Variants in FANK1 observed in about 807,000 individuals in gnomAD.
The protein encoded by FANK1 is fibronectin type 3 and ankyrin repeat domains protein 1.
FANK1 carries 44 observed loss-of-function variants against 45.3 expected under a neutral mutation model. That is an observed-to-expected ratio of 0.97 (90% confidence interval 0.76 to 1.25). FANK1 has a LOEUF of 1.25. Ranked by LOEUF, FANK1 falls within the 50% of genes most tolerant of loss-of-function variation. FANK1 has a pLI of 0.00. For synonymous variants in FANK1, 149 were observed against 152.5 expected, an observed-to-expected ratio of 0.98 and a Z score of 0.17; for missense variants, 391 against 424.4, an observed-to-expected ratio of 0.92 and a Z score of 0.69.
chr10:125,921,400 A>G (rs1331163544), intron 1 of FANK1, among the ~76,000 whole-genome samples: 2 of 152,136 alleles, frequency 1.3e-5, no homozygotes, highest in Non-Finnish European at 1.5e-5. Flanking sequence ...TATAAATACT[A>G]CATGGTTTGC....
intron 1 of FANK1, among the ~76,000 whole-genome samples, chr10:125,896,891 C>T (rs1944575645): frequency 6.6e-6 from 1 of 152,106 alleles, no homozygotes; most frequent in Non-Finnish European, 1.5e-5. Context: ...GGGCTGGGAG[C>T]GACTGGAGAG....
intron 1 of FANK1, among the ~76,000 whole-genome samples, chr10:125,968,400 C>T (rs1011884835): frequency 1.1e-4 from 16 of 152,164 alleles, no homozygotes; most frequent in East Asian, 5.8e-4. Flanking sequence ...CATATGCCAC[C>T]GGAGGCTAGA....
intron 1 of FANK1, among the ~76,000 whole-genome samples, chr10:125,949,554 C>A (rs972079859): frequency 6.6e-6 from 1 of 150,964 alleles, no homozygotes; most frequent in Non-Finnish European, 1.5e-5. Flanking sequence ...ATCCAACTTA[C>A]AAGGGATGTG....
At chr10:125,997,605 G>A (rs2134221525) in intron 6 of FANK1, 120 bp downstream of exon 6, 2 of 865,926 alleles carry the variant, frequency 2.3e-6, no homozygotes, top group South Asian at 3.6e-5. Flanking sequence ...GTCCTGAGAG[G>A]TGAGTGGGTC....
chr10:125,940,106 C>T (rs532290344), intron 1 of FANK1, among the ~76,000 whole-genome samples: 3 of 152,102 alleles, frequency 2.0e-5, no homozygotes, highest in Admixed American at 2.0e-4. Context: ...TCGCTCCACA[C>T]CTGTGGGTAT....
Position 125,983,025 on chromosome 10 carries a change from A to G in FANK1, c.191+2687A>G, listed in dbSNP as rs897997898. The stretch of plus-strand genomic sequence containing the variant: ...TCCATTGCTTAAAGGATAAAGGCCA[A>G]ATTCCTTAGACTAACATTTAATGTC... On this transcript the variant is annotated intron_variant, in intron 2 of 10. Coordinates refer to ENST00000368693, the MANE Select transcript of FANK1 (RefSeq NM_145235.5). This position sits in a 1 kb window ranked among gnomAD's most constrained non-coding sequence, Gnocchi z 4.3. Among the ~76,000 whole-genome samples the G allele has an allele frequency of 1.3e-5, 2 of 151,846 alleles. No homozygotes were observed. Among genetic ancestry groups the G allele is most frequent in the Admixed American group, 1.3e-4 (2 of 15,234 alleles).
chr10:126,002,311 CA>C lies in FANK1; in HGVS notation c.540-2565del, dbSNP rs35254865. Among the ~76,000 whole-genome samples, 759 of 151,576 alleles carry C rather than the reference CA, an allele frequency of 5.0e-3. 7 individuals carry two copies. Among genetic ancestry groups the C allele is most frequent in the African/African-American group, 0.017 (693 of 41,296 alleles). On this transcript the variant is annotated intron_variant, in intron 6 of 10. Coordinates refer to ENST00000368693, the MANE Select transcript of FANK1 (RefSeq NM_145235.5). ...TGGGCGATAGAGTGAGACTCTGTCT[CA>C]AAAAAAACAAACAAAAAGTCATGCA...
At chr10:125,992,141 A>G (rs1951991112) in intron 3 of FANK1, among the ~76,000 whole-genome samples, 1 of 152,194 alleles carries the variant, frequency 6.6e-6, no homozygotes, top group Admixed American at 6.5e-5. Context: ...CCAGGCCCAC[A>G]AAGTCTTGAA....
intron 1 of FANK1, among the ~76,000 whole-genome samples, chr10:125,934,724 G>GGTTTTTTTTT (rs1564888158): frequency 3.8e-5 from 1 of 26,418 alleles, no homozygotes; most frequent in Non-Finnish European, 7.3e-5. Context: ...TACCCCTACC[G>GGTTTTTTTTT]TTTTTTTTTT....
intron 1 of FANK1, among the ~76,000 whole-genome samples, chr10:125,898,756 C>T (rs1456201034): frequency 1.3e-5 from 2 of 152,082 alleles, no homozygotes; most frequent in Non-Finnish European, 2.9e-5. Context: ...ATTTATATCT[C>T]ATGTCATTGG....
At chr10:125,989,310 T>G in intron 3 of FANK1, 1 of 1,550,814 alleles carries the variant, frequency 6.4e-7, no homozygotes, top group Non-Finnish European at 8.7e-7. Context: ...CTTGTAAAAA[T>G]TAGGATGGTC....
At chr10:125,977,558 A>C (rs1228167024) in intron 1 of FANK1, among the ~76,000 whole-genome samples, 1 of 151,988 alleles carries the variant, frequency 6.6e-6, no homozygotes, top group African/African-American at 2.4e-5. Context: ...TGGGATGCCC[A>C]CTGCAGCTCT....
intron 3 of FANK1, chr10:125,989,159 C>T (rs753756514): frequency 3.8e-5 from 31 of 823,038 alleles, no homozygotes; most frequent in Non-Finnish European, 5.1e-5. Context: ...GCTGCATCCA[C>T]GGAGAATCCT....
rs1226349097 is a variant in FANK1, at chr10:126,009,106, G to C, written c.902G>C (p.Gly301Ala). The C allele has an allele frequency of 2.5e-6, 4 of 1,614,058 alleles. No individual in the cohort carries two copies. The highest frequency in any genetic ancestry group is 1.7e-5 in the Admixed American group (1 of 60,002). Residue 301 changes from glycine to alanine, a missense_variant, in exon 9 of 11, where the codon GGG (glycine) becomes GCG (alanine). Physicochemically the swap from Gly to Ala is moderately conservative, Grantham distance 60. Coordinates refer to ENST00000368693, the MANE Select transcript of FANK1 (RefSeq NM_145235.5). ...TTAGTTCAGTTACTTCTTGACAAAG[G>C]GGCAGATGCAAGTGTAAAAAATGAG... is the stretch of plus-strand genomic sequence containing the variant. ...EELVQLLLDK[G>A]ADASVKNEFG...
In FANK1 at chr10:126,005,009, A is replaced by G. The variant is rs1281185572; in HGVS notation, c.665A>G (p.His222Arg). Residue 222 changes from histidine (H) to arginine (R), a missense_variant, in exon 7 of 11, where the codon CAC becomes CGC. Transcript: ENST00000368693. Reference sequence around the variant, plus strand: ...CTGCACTGGGCTGCAGATGGAGGCCACTGCAGTGTGATTGAGTGGATGATA... The same window carrying G: ...CTGCACTGGGCTGCAGATGGAGGCCGCTGCAGTGTGATTGAGTGGATGATA... ...TALHWAADGG[H>R]CSVIEWMIKD... 1.2e-6 allele frequency: 2 copies of G among 1,613,496 alleles called. No individual in the cohort carries two copies. The highest frequency in any genetic ancestry group is 1.3e-5 in the African/African-American group (1 of 74,902).
At chr10:125,912,960 G>A (rs1000481902) in intron 1 of FANK1, among the ~76,000 whole-genome samples, 1 of 152,174 alleles carries the variant, frequency 6.6e-6, no homozygotes, top group Non-Finnish European at 1.5e-5. Flanking sequence ...ATGTGAATCA[G>A]TGTTAGCATA....
intron 2 of FANK1, among the ~76,000 whole-genome samples, chr10:125,984,333 A>G (rs536146965): frequency 1.3e-5 from 2 of 152,246 alleles, no homozygotes; most frequent in East Asian, 3.9e-4. Context: ...CCAGAATGAC[A>G]TACTTCACTT....
At position 125,980,166 on chromosome 10, in the gene FANK1, A is replaced by T; in HGVS notation, c.19A>T (p.Met7Leu). MEPQKI[M>L]PPSKPHPPVV... ...GGTGTCATTCTTTTTTTTAGAAATC[A>T]TGCCACCCTCAAAGCCTCATCCACC... The change falls in exon 2 of 11, where the codon ATG becomes TTG. Residue 7 changes from methionine (M) to leucine (L), a missense_variant. Coordinates refer to ENST00000368693, the MANE Select transcript of FANK1 (RefSeq NM_145235.5). 1 of 1,605,896 alleles carries T rather than the reference A, an allele frequency of 6.2e-7. No individual in the cohort carries two copies. The highest frequency in any genetic ancestry group is 8.5e-7 in the Non-Finnish European group (1 of 1,177,592).
chr10:125,946,360 A>T (rs1948801569), intron 1 of FANK1, among the ~76,000 whole-genome samples: 1 of 148,996 alleles, frequency 6.7e-6, no homozygotes, highest in Non-Finnish European at 1.5e-5. Context: ...AAAACTTTGA[A>T]AAAAATTTAG....
Sources: gnomAD v4.1 joint callset for allele counts (sites outside exome capture counted in the v4.1 genomes callset) on GRCh38, gnomAD v4.1.1 for gene constraint, Gnocchi (gnomAD v3.1) non-coding constraint, MANE v1.5 for transcripts, NCBI Gene and HGNC (gene_info 2026-07-23, HGNC 2026-07-21) for gene names.